The following LRP1B variants were observed in gnomAD, a reference collection of about 807,000 sequenced individuals.
LRP1B encodes the protein LDL receptor related protein 1B.
A neutral mutation model predicts 556.6 loss-of-function variants in LRP1B; 217 were observed. The ratio of observed to expected loss-of-function variants is 0.39; its 90% confidence interval spans 0.35 to 0.44. The LOEUF (loss-of-function observed/expected upper bound fraction) is 0.44. Among genes scored for constraint, LRP1B ranks in the 20% least tolerant of loss-of-function variants. LRP1B has a pLI of 1.00. For missense variants in LRP1B, 5,053 were observed against 5,620.8 expected (o/e 0.90, Z 3.23); for synonymous variants, 2,047 against 1,865.8 (o/e 1.10, Z -2.50).
intron 30 of LRP1B, among the ~76,000 whole-genome samples, chr2:140,840,380 G>A (rs13416332): frequency 0.036 from 5,421 of 152,132 alleles, 319 homozygotes; most frequent in African/African-American, 0.12. Context: ...TATTTTCTTT[G>A]TTAAGTAATT....
chr2:140,356,965 T>C (rs1043789255), intron 74 of LRP1B, among the ~76,000 whole-genome samples: 10 of 151,652 alleles, frequency 6.6e-5, no homozygotes, highest in African/African-American at 2.2e-4. Context: ...TTTCATTTTT[T>C]TATGCTGGAC....
At chr2:141,429,082 A>T (rs564346771) in intron 3 of LRP1B, among the ~76,000 whole-genome samples, 42 of 152,230 alleles carry the variant, frequency 2.8e-4, no homozygotes, top group Admixed American at 2.3e-3. Flanking sequence ...ATTACTATAG[A>T]GGTATTTGAG....
chr2:141,566,583 T>G lies in LRP1B; in HGVS notation c.206-86050A>C, dbSNP rs1252034055. On this transcript the variant is annotated intron_variant, in intron 2 of 90. Coordinates refer to ENST00000389484, the MANE Select transcript of LRP1B (RefSeq NM_018557.3). ...TGGTCTTCCAGTATGAGTAACTTCA[T>G]GTGAAACGTGACTATCTAATAAATA... Among the ~76,000 whole-genome samples the G allele has an allele frequency of 7.9e-5, 12 of 152,340 alleles. No individual in the cohort carries two copies. In the East Asian group the frequency reaches 2.3e-3, roughly 29 times the overall value.
intron 84 of LRP1B, among the ~76,000 whole-genome samples, chr2:140,276,144 A>G (rs936250042): frequency 1.3e-5 from 2 of 152,036 alleles, no homozygotes; most frequent in East Asian, 1.9e-4. Context: ...AAAAATCACA[A>G]TTTATAAACT....
chr2:141,213,919 C>T (rs536551043), intron 6 of LRP1B, among the ~76,000 whole-genome samples: 15 of 152,216 alleles, frequency 9.9e-5, no homozygotes, highest in African/African-American at 3.6e-4. Context: ...AACCTATGCA[C>T]ATCCTCCTAT....
At chr2:140,436,430 A>G (rs1405373256) in intron 66 of LRP1B, among the ~76,000 whole-genome samples, 2 of 152,146 alleles carry the variant, frequency 1.3e-5, no homozygotes, top group Non-Finnish European at 2.9e-5. Context: ...CCAGTCACAC[A>G]TACATACCAG....
At chr2:140,853,855 T>C (rs940526534) in intron 27 of LRP1B, among the ~76,000 whole-genome samples, 126 of 152,210 alleles carry the variant, frequency 8.3e-4, no homozygotes, top group African/African-American at 2.9e-3. Flanking sequence ...CTTTGTTATC[T>C]TTTGATTTTG....
chr2:141,498,958 A>C (rs7595586), intron 2 of LRP1B, among the ~76,000 whole-genome samples: 5,798 of 152,136 alleles, frequency 0.038, 396 homozygotes, highest in African/African-American at 0.13. Flanking sequence ...ATTTCCTCAG[A>C]ATAAGGTGGT....
At chr2:140,325,598 A>C (rs1273127810) in intron 80 of LRP1B, among the ~76,000 whole-genome samples, 164 bp downstream of exon 80, 1 of 152,108 alleles carries the variant, frequency 6.6e-6, no homozygotes, top group Non-Finnish European at 1.5e-5. Context: ...ATTTTTTTCC[A>C]GTAGGAATGA....
At chr2:141,673,572 A>C (rs1690758678) in intron 2 of LRP1B, among the ~76,000 whole-genome samples, 1 of 152,144 alleles carries the variant, frequency 6.6e-6, no homozygotes, top group African/African-American at 2.4e-5. Flanking sequence ...TAATAATCAA[A>C]CACTGTAAAG....
At chr2:141,097,116 A>T (rs1168600450) in intron 7 of LRP1B, among the ~76,000 whole-genome samples, 1 of 152,198 alleles carries the variant, frequency 6.6e-6, no homozygotes, top group East Asian at 1.9e-4. Flanking sequence ...ATTAAGAGCT[A>T]TTTGTTTCTG....
Position 140,657,670 on chromosome 2 carries a change from C to CAT in LRP1B, c.6799+42578_6799+42579dup, listed in dbSNP as rs145142678. On this transcript the variant is annotated intron_variant, in intron 41 of 90. Transcript: ENST00000389484. ...ATATATACATACATATATATACATA[C>CAT]ATATATATATAAATACAACATTATG... 4.2e-5 allele frequency among the ~76,000 whole-genome samples: 6 copies of CAT among 141,298 alleles called. No homozygotes were observed. The South Asian group carries it at 6.7e-4, about 16-fold the overall frequency. The allele number at this position is 141,298 out of a possible 152,430, so 92.7% of individuals were successfully genotyped here. A position where few individuals can be genotyped will look rare whatever the true frequency, so the allele number is the denominator to read the frequency against.
At chr2:141,498,359 T>TTG (rs1553521597) in intron 2 of LRP1B, among the ~76,000 whole-genome samples, 1 of 149,768 alleles carries the variant, frequency 6.7e-6, no homozygotes, top group African/African-American at 2.4e-5. Context: ...TAAAATCCTT[T>TTG]TTTTTTTTTT....
chr2:141,442,602 C>T (rs4511668), intron 3 of LRP1B, among the ~76,000 whole-genome samples: 1 of 151,838 alleles, frequency 6.6e-6, no homozygotes, highest in Non-Finnish European at 1.5e-5. Context: ...CAAACATGCC[C>T]CAGTGTGTGA....
intron 77 of LRP1B, among the ~76,000 whole-genome samples, chr2:140,336,186 T>C (rs974223413): frequency 3.3e-5 from 5 of 152,010 alleles, no homozygotes; most frequent in African/African-American, 4.8e-5. Flanking sequence ...ATTAGTGGCG[T>C]AAAATGTAAC....
At chr2:140,899,075 A>T (rs766941021) in intron 23 of LRP1B, 4 of 258,554 alleles carry the variant, frequency 1.5e-5, no homozygotes, top group South Asian at 4.6e-5. Context: ...AACTTCAATA[A>T]GTACATGGAG....
chr2:140,385,282 A>G (rs941995510), intron 67 of LRP1B, among the ~76,000 whole-genome samples: 2 of 152,168 alleles, frequency 1.3e-5, no homozygotes, highest in African/African-American at 4.8e-5. Context: ...AAATGCTACA[A>G]TCAGGAGATA....
intron 20 of LRP1B, among the ~76,000 whole-genome samples, chr2:140,939,825 T>A (rs1394196083): frequency 6.6e-6 from 1 of 151,236 alleles, no homozygotes; most frequent in African/African-American, 2.4e-5. Context: ...ACAGGTAAAA[T>A]TTTTTTTAGG....
intron 29 of LRP1B, among the ~76,000 whole-genome samples, chr2:140,848,414 G>A (rs11901880): frequency 0.54 from 82,122 of 151,978 alleles, 23,849 homozygotes; most frequent in Middle Eastern, 0.67. Context: ...TTTTTAAACA[G>A]TGCTAACCTG....
Sources: gnomAD v4.1 joint callset for allele counts (sites outside exome capture counted in the v4.1 genomes callset) on GRCh38, gnomAD v4.1.1 for gene constraint, MANE v1.5 for transcripts, NCBI Gene and HGNC (gene_info 2026-07-23, HGNC 2026-07-21) for gene names.